PARVB: variants seen among roughly 807,000 people sequenced by gnomAD.
PARVB encodes parvin beta, also known as beta-parvin.
A neutral mutation model predicts 47.0 loss-of-function variants in PARVB; 46 were observed. That is an observed-to-expected ratio of 0.98 (90% CI 0.77 to 1.25). The LOEUF (loss-of-function observed/expected upper bound fraction) is 1.25. Ranked by LOEUF, PARVB falls within the 50% of genes most tolerant of loss-of-function variation. PARVB has a pLI of 0.00. For synonymous variants in PARVB, 196 were observed against 196.3 expected, an observed-to-expected ratio of 1.00 and a Z score of 0.01; for missense variants, 473 against 471.6, an observed-to-expected ratio of 1.00 and a Z score of -0.03.
At chr22:44,013,168 G>T (rs1402816021) in intron 2 of PARVB, among the ~76,000 whole-genome samples, 1 of 152,182 alleles carries the variant, frequency 6.6e-6, no homozygotes, top group Non-Finnish European at 1.5e-5. Flanking sequence ...AAAGTGCTGG[G>T]ATTACAGGCG....
intron 1 of PARVB, among the ~76,000 whole-genome samples, chr22:44,070,175 C>T (rs1161745212): frequency 6.6e-6 from 1 of 152,206 alleles, no homozygotes; most frequent in Non-Finnish European, 1.5e-5. Context: ...TTTTCTTTTA[C>T]AGTTGAGTAA....
rs117928544 is a variant in PARVB, at chr22:44,104,313, A to G, written c.273+4190A>G. The G allele has an allele frequency of 4.6e-5, 7 of 151,974 alleles. No individual in the cohort carries two copies. The East Asian group carries it at 1.4e-3, about 30-fold the overall frequency. The allele number at this position is 151,974 out of a possible 1,614,324, so 9.4% of individuals were successfully genotyped here. On this transcript the variant is annotated intron_variant, in intron 3 of 12. Transcript: ENST00000338758. Reference sequence around the variant, plus strand: ...AGACATTTTCCACTCTTGATCAATCATTTTCCAAAATAAGCATAGACACAG... The same window carrying G: ...AGACATTTTCCACTCTTGATCAATCGTTTTCCAAAATAAGCATAGACACAG...
chr22:44,165,475 C>T (rs1031451372), intron 12 of PARVB, among the ~76,000 whole-genome samples: 11 of 152,218 alleles, frequency 7.2e-5, no homozygotes, highest in Non-Finnish European at 1.0e-4. Context: ...TGGGACCCCT[C>T]GTTGCTGCTG....
At chr22:44,065,906 CATTG>C (rs2051513550) in intron 1 of PARVB, among the ~76,000 whole-genome samples, 2 of 151,736 alleles carry the variant, frequency 1.3e-5, no homozygotes, top group Non-Finnish European at 2.9e-5. Context: ...TTTATCCACT[CATTG>C]ATTGATGGGC....
Position 44,126,608 on chromosome 22 carries a change from T to TA in PARVB, c.377-4878dup, listed in dbSNP as rs2053190908. ...TGAGTGGCTGGTTATGGTAGAGACT[T>TA]ACCTCCTCTTTGATCTTGGATGTGA... is the stretch of plus-strand genomic sequence containing the variant. On this transcript the variant is annotated intron_variant, in intron 4 of 12. Coordinates refer to ENST00000338758, the MANE Select transcript of PARVB (RefSeq NM_013327.5). 2.6e-5 allele frequency among the ~76,000 whole-genome samples: 4 copies of TA among 152,210 alleles called. No individual in the cohort carries two copies. The South Asian group carries it at 8.3e-4, about 31-fold the overall frequency.
At chr22:44,156,030 A>G (rs1247986764) in intron 10 of PARVB, among the ~76,000 whole-genome samples, 1 of 151,922 alleles carries the variant, frequency 6.6e-6, no homozygotes, top group African/African-American at 2.4e-5. Flanking sequence ...CGCGCCTGTA[A>G]TCCCAGCTAC....
intron 1 of PARVB, among the ~76,000 whole-genome samples, chr22:44,058,434 A>C (rs2051355181): frequency 6.6e-6 from 1 of 151,892 alleles, no homozygotes; most frequent in Admixed American, 6.6e-5. Flanking sequence ...CCATGTGGAC[A>C]CCAGCTGGGC....
rs371614668 is a variant in PARVB at position 44,013,398 on chromosome 22, G to A, written c.211+13725G>A. ...AGTGGAACGTCTGTTGACTTTTCAC[G>A]TTTGTGTACACTGTGTGACTACCAC... On this transcript the variant is annotated intron_variant, in intron 2 of 13. Transcript: ENST00000406477. Among the ~76,000 whole-genome samples, 50 of 152,290 alleles carry A rather than the reference G, an allele frequency of 3.3e-4. No homozygotes were observed. In the South Asian group the frequency reaches 9.9e-3, roughly 30 times the overall value.
intron 1 of PARVB, among the ~76,000 whole-genome samples, chr22:44,067,150 T>C (rs2051553425): frequency 6.6e-6 from 1 of 152,144 alleles, no homozygotes; most frequent in Non-Finnish European, 1.5e-5. Context: ...CCCCTTTAAT[T>C]TATTCTGAAA....
intron 3 of PARVB, among the ~76,000 whole-genome samples, chr22:44,101,712 C>T (rs1363486305): frequency 1.3e-5 from 2 of 150,696 alleles, no homozygotes; most frequent in African/African-American, 4.9e-5. Flanking sequence ...CTCGCCACTG[C>T]ACTCCAGCCT....
intron 1 of PARVB, among the ~76,000 whole-genome samples, chr22:44,027,098 A>G (rs1405197881): frequency 6.6e-6 from 1 of 151,812 alleles, no homozygotes; most frequent in Non-Finnish European, 1.5e-5. Context: ...AGAAAAGGGA[A>G]CTGTGACGAA....
intron 9 of PARVB, chr22:44,148,375 C>T: frequency 4.9e-6 from 1 of 205,946 alleles, no homozygotes; most frequent in South Asian, 8.1e-5. Context: ...AGGCAGCCTG[C>T]TGGTCAATCT....
At chr22:44,131,133 TTCTCTCTC>T (rs34132028) in intron 4 of PARVB, among the ~76,000 whole-genome samples, 2 of 129,334 alleles carry the variant, frequency 1.5e-5, no homozygotes, top group South Asian at 2.8e-4. Context: ...TTTTCTTTCT[TTCTCTCTC>T]TCTCTCTCTC....
intron 1 of PARVB, among the ~76,000 whole-genome samples, chr22:44,045,129 G>A (rs2051092283): frequency 6.6e-6 from 1 of 152,064 alleles, no homozygotes; most frequent in African/African-American, 2.4e-5. Context: ...CCAGCCACAG[G>A]TGCCCCTGCA....
chr22:44,141,952 G>A (rs917272520), intron 8 of PARVB: 1 of 152,158 alleles, frequency 6.6e-6, no homozygotes, highest in African/African-American at 2.4e-5. Flanking sequence ...ATGGGACCGG[G>A]GTGAGGCGTC....
intron 1 of PARVB, among the ~76,000 whole-genome samples, chr22:44,062,780 C>T (rs1307016511): frequency 6.6e-6 from 1 of 152,244 alleles, no homozygotes; most frequent in East Asian, 1.9e-4. Flanking sequence ...ACAGGAGCTT[C>T]TGTTGCCCTG....
At chr22:44,090,895 C>T (rs1258860921) in intron 1 of PARVB, among the ~76,000 whole-genome samples, 1 of 152,244 alleles carries the variant, frequency 6.6e-6, no homozygotes, top group East Asian at 1.9e-4. Flanking sequence ...TGAAAAATCA[C>T]TTTTCCCTGT....
At chr22:44,027,777 A>G (rs552748251) in intron 1 of PARVB, among the ~76,000 whole-genome samples, 14 of 152,000 alleles carry the variant, frequency 9.2e-5, no homozygotes, top group Admixed American at 2.6e-4. Context: ...GTGTGCCTGT[A>G]ATCCCAGCTA....
chr22:44,126,333 A>G (rs1362811224), intron 4 of PARVB, among the ~76,000 whole-genome samples: 3 of 152,198 alleles, frequency 2.0e-5, no homozygotes, highest in African/African-American at 7.2e-5. Context: ...TTGTGTCATA[A>G]TTATCACAAT....
Sources: allele counts gnomAD v4.1 joint callset (sites outside exome capture counted in the v4.1 genomes callset), GRCh38; gene constraint gnomAD v4.1.1; transcripts MANE v1.5; gene names NCBI Gene and HGNC (gene_info 2026-07-23, HGNC 2026-07-21).